Variants in PCDH19 observed in about 807,000 individuals in gnomAD.
PCDH19 encodes protocadherin 19, also known as protocadherin-19.
Under a neutral mutation model 46.2 loss-of-function variants are expected in PCDH19, and 6 were observed. The ratio of observed to expected loss-of-function variants is 0.13; its 90% CI spans 0.07 to 0.26. The LOEUF is 0.26. Among genes scored for constraint, PCDH19 ranks in the 10% least tolerant of loss-of-function variants. The pLI, the probability that PCDH19 is intolerant of heterozygous loss-of-function variation, is 1.00. For missense variants in PCDH19, 740 were observed against 972.3 expected, an observed-to-expected ratio of 0.76 and a Z score of 3.18; for synonymous variants, 481 against 415.7, an observed-to-expected ratio of 1.16 and a Z score of -1.91.
intron 5 of PCDH19, among the ~76,000 whole-genome samples, chrX:100,321,979 C>T (rs1422175319): frequency 8.5e-4 from 92 of 108,045 alleles, no homozygotes; most frequent in African/African-American, 2.7e-3. Flanking sequence ...TTAGTAGAGA[C>T]GGGGTTTCAC....
chrX:100,300,212 G>A (rs1248734390), intron 5 of PCDH19, among the ~76,000 whole-genome samples: 1 of 112,171 alleles, frequency 8.9e-6, no homozygotes, highest in Non-Finnish European at 1.9e-5. Flanking sequence ...TAGTAAATGT[G>A]AGAAAGTCAC....
intron 5 of PCDH19, among the ~76,000 whole-genome samples, chrX:100,315,522 G>T (rs1189305516): frequency 1.8e-5 from 2 of 112,048 alleles, no homozygotes; most frequent in Non-Finnish European, 3.8e-5. Context: ...TTGGTGAATT[G>T]GGATCTCTAC....
At position 100,406,531 on chromosome X, in the gene PCDH19, C is replaced by A. The variant is rs1185478349; in HGVS notation, c.2067G>T (p.Ala689=). Reference sequence around the variant, plus strand: ...AGATCATAGTTACAAAGAGGATGCCCGCAATGGAGCCCAGGGCAATAATGA... The same window carrying A: ...AGATCATAGTTACAAAGAGGATGCCAGCAATGGAGCCCAGGGCAATAATGA... ...LIFIIALGSI[A]GILFVTMIFV... Residue 689 remains alanine (A), a synonymous_variant, in exon 1 of 6, where the codon GCG becomes GCT. Coordinates refer to ENST00000373034, the MANE Select transcript of PCDH19 (RefSeq NM_001184880.2). 1 of 1,206,771 alleles carries A rather than the reference C, an allele frequency of 8.3e-7. No homozygotes were observed. The highest frequency in any genetic ancestry group is 1.8e-5 in the African/African-American group (1 of 56,989).
At chrX:100,373,256 C>T (rs1569305252) in intron 3 of PCDH19, among the ~76,000 whole-genome samples, 1 of 112,991 alleles carries the variant, frequency 8.9e-6, no homozygotes, top group Non-Finnish European at 1.9e-5. Context: ...ATCTGCCCCC[C>T]TCAGCCTCCC....
Position 100,379,185 on chromosome X carries a change from A to T in PCDH19, c.2616+23339T>A, listed in dbSNP as rs950781298. 7.2e-5 allele frequency among the ~76,000 whole-genome samples: 8 copies of T among 111,050 alleles called. 1 individual carries two copies. In the Admixed American group the frequency reaches 7.7e-4, roughly 11 times the overall value. ...AGGAAGCAGGGCAGCTGCTATCAGG[A>T]CAACAGCCCCGGGAAAGCAAAGAAG... On this transcript the variant is annotated intron_variant, in intron 3 of 5. Coordinates refer to ENST00000373034, the MANE Select transcript of PCDH19 (RefSeq NM_001184880.2).
In PCDH19 at chrX:100,407,033, T is replaced by C; in HGVS notation, c.1565A>G (p.Asn522Ser). Residue 522 changes from asparagine to serine, a missense_variant, in exon 1 of 6, where the codon AAC becomes AGC. Transcript: ENST00000373034. ...SGDIYALRSF[N>S]HEQTKAFEFK... ...TTCGAACGCCTTGGTCTGCTCGTGG[T>C]TAAAGGATCGCAGCGCGTAGATGTC... The C allele has an allele frequency of 1.7e-6, 2 of 1,211,498 alleles. No homozygotes were observed. Among genetic ancestry groups the C allele is most frequent in the Non-Finnish European group, 2.2e-6 (2 of 895,462 alleles).
intron 3 of PCDH19, among the ~76,000 whole-genome samples, chrX:100,387,582 A>G (rs1005200721): frequency 8.9e-6 from 1 of 111,998 alleles, no homozygotes; most frequent in Non-Finnish European, 1.9e-5. Context: ...GATAAAGCCT[A>G]TATCATTTCT....
At chrX:100,335,747 G>A (rs1329221362) in intron 5 of PCDH19, among the ~76,000 whole-genome samples, 2 of 111,695 alleles carry the variant, frequency 1.8e-5, no homozygotes, top group Non-Finnish European at 1.9e-5. Flanking sequence ...TCAATTCCCA[G>A]AGCCAGGCAC....
chrX:100,395,938 G>A (rs1928014533), intron 3 of PCDH19, among the ~76,000 whole-genome samples: 2 of 112,515 alleles, frequency 1.8e-5, no homozygotes, highest in Admixed American at 1.9e-4. Flanking sequence ...CCTCTCAATT[G>A]TTCGAAGTAA....
chrX:100,333,183 G>GAGAGAGAC (rs1489789460), intron 5 of PCDH19, among the ~76,000 whole-genome samples: 1 of 43,440 alleles, frequency 2.3e-5, no homozygotes, highest in African/African-American at 7.8e-5. Flanking sequence ...GGGAGAGAGA[G>GAGAGAGAC]AGAAAGAAAG....
At chrX:100,374,362 T>A (rs1260788949) in intron 3 of PCDH19, among the ~76,000 whole-genome samples, 1 of 112,089 alleles carries the variant, frequency 8.9e-6, no homozygotes, top group Non-Finnish European at 1.9e-5. Flanking sequence ...CTAAACAATT[T>A]ATGAATGATG....
chrX:100,407,029 G>A lies in PCDH19; in HGVS notation c.1569C>T (p.His523=), dbSNP rs753119035. The A allele has an allele frequency of 5.0e-6, 6 of 1,211,851 alleles. No individual in the cohort carries two copies. Among genetic ancestry groups the A allele is most frequent in the Non-Finnish European group, 6.7e-6 (6 of 895,514 alleles). Reference sequence around the variant, plus strand: ...TGAATTCGAACGCCTTGGTCTGCTCGTGGTTAAAGGATCGCAGCGCGTAGA... The same window carrying A: ...TGAATTCGAACGCCTTGGTCTGCTCATGGTTAAAGGATCGCAGCGCGTAGA... ...GDIYALRSFN[H]EQTKAFEFKV... The change falls in exon 1 of 6, where the codon CAC becomes CAT. Residue 523 remains histidine (H), a synonymous_variant. Transcript: ENST00000373034.
At chrX:100,374,565 G>C (rs60142887) in intron 3 of PCDH19, among the ~76,000 whole-genome samples, 5,241 of 111,869 alleles carry the variant, frequency 0.047, 284 homozygotes, top group African/African-American at 0.16. Flanking sequence ...GGAATCATAA[G>C]ATACATTGTA....
chrX:100,384,901 G>A (rs1435907385), intron 3 of PCDH19, among the ~76,000 whole-genome samples: 1 of 111,631 alleles, frequency 9.0e-6, no homozygotes, highest in African/African-American at 3.3e-5. Context: ...GCTCACGCCT[G>A]TAATCCCAGC....
At chrX:100,333,878 C>T (rs1238639707) in intron 5 of PCDH19, among the ~76,000 whole-genome samples, 1 of 107,760 alleles carries the variant, frequency 9.3e-6, no homozygotes, top group East Asian at 2.9e-4. Flanking sequence ...CAACCTCTGC[C>T]TCATGGGTTC....
intron 5 of PCDH19, among the ~76,000 whole-genome samples, chrX:100,307,018 A>G (rs1192706766): frequency 8.9e-6 from 1 of 112,026 alleles, no homozygotes; most frequent in Non-Finnish European, 1.9e-5. Context: ...CACAGAACAG[A>G]GAAAGAGGGA....
At chrX:100,301,629 C>A (rs747357512) in intron 5 of PCDH19, among the ~76,000 whole-genome samples, 9 of 111,520 alleles carry the variant, frequency 8.1e-5, no homozygotes, top group Non-Finnish European at 1.5e-4. Context: ...ACCTCATGAA[C>A]AAGACAATCT....
intron 5 of PCDH19, among the ~76,000 whole-genome samples, chrX:100,317,843 T>C (rs929825789): frequency 1.8e-5 from 2 of 111,672 alleles, no homozygotes; most frequent in African/African-American, 6.5e-5. Flanking sequence ...TCCTAAGCAT[T>C]TGGCAAATAT....
Position 100,407,600 on chromosome X carries a change from G to A in PCDH19, c.998C>T (p.Thr333Ile). 8.3e-7 allele frequency: 1 copy of A among 1,211,834 alleles called. No individual in the cohort carries two copies. The highest frequency in any genetic ancestry group is 1.1e-6 in the Non-Finnish European group (1 of 895,499). Residue 333 changes from threonine to isoleucine, a missense_variant, in exon 1 of 6, where the codon ACC (threonine) becomes ATC (isoleucine). Coordinates refer to ENST00000373034, the MANE Select transcript of PCDH19 (RefSeq NM_001184880.2). ...GTCATTGGTGTCCAGCACGCTGACG[G>A]TGACCTTGCAGTGTGCCGGGATGGA... is the stretch of plus-strand genomic sequence containing the variant. ...PNSIPAHCKV[T>I]VSVLDTNDNP... is the part of the protein sequence containing the mutation.
Sources: gnomAD v4.1 joint callset for allele counts (sites outside exome capture counted in the v4.1 genomes callset) on GRCh38, gnomAD v4.1.1 for gene constraint, MANE v1.5 for transcripts, NCBI Gene and HGNC (gene_info 2026-07-23, HGNC 2026-07-21) for gene names.